The following SRC variants were observed in gnomAD, a reference collection of about 807,000 sequenced individuals.
SRC encodes proto-oncogene tyrosine-protein kinase Src.
In SRC, 13 loss-of-function variants were observed where a neutral mutation model predicts 62.9. That is an observed-to-expected ratio of 0.21 (90% confidence interval 0.13 to 0.33). The LOEUF (loss-of-function observed/expected upper bound fraction) is 0.33, where lower values mean the gene tolerates loss of function less well. SRC is among the 10% of genes least tolerant of loss of function. The probability of loss-of-function intolerance (pLI) is 1.00; values close to 1 mark genes in which losing one functional copy is unlikely to be tolerated. For missense variants in SRC, 457 were observed against 737.3 expected (o/e 0.62, Z 4.40); for synonymous variants, 302 against 317.5 (o/e 0.95, Z 0.52).
At position 37,402,546 on chromosome 20, in the gene SRC, C is replaced by T; in HGVS notation, c.1228C>T (p.Leu410=). 1.9e-6 allele frequency: 3 copies of T among 1,613,948 alleles called. No individual in the cohort carries two copies. In the South Asian group the frequency reaches 3.3e-5, roughly 18 times the overall value. Residue 410 remains leucine, a synonymous_variant, in exon 12 of 14, where the codon CTG becomes TTG. Transcript: ENST00000373578. This position sits in a 1 kb window ranked among gnomAD's most constrained non-coding sequence, Gnocchi z 6.2. ...NLVCKVADFG[L]ARLIEDNEYT... The stretch of plus-strand genomic sequence containing the variant: ...GGTGTGCAAAGTGGCGGACTTTGGG[C>T]TGGCTCGGCTCATTGAAGACAATGA...
intron 2 of SRC, among the ~76,000 whole-genome samples, chr20:37,380,006 G>A (rs2070342901): frequency 6.6e-6 from 1 of 150,736 alleles, no homozygotes; most frequent in Non-Finnish European, 1.5e-5. Context: ...AGCTTGGAGT[G>A]GCCTGAGAAG....
intron 1 of SRC, among the ~76,000 whole-genome samples, chr20:37,364,561 G>T (rs1274506778): frequency 2.0e-5 from 3 of 152,114 alleles, no homozygotes; most frequent in Non-Finnish European, 4.4e-5. Flanking sequence ...GGAGAGGGTG[G>T]AGCTGAGAGA....
intron 5 of SRC, among the ~76,000 whole-genome samples, chr20:37,393,033 C>G (rs1241448980): frequency 1.3e-5 from 2 of 152,212 alleles, no homozygotes; most frequent in Admixed American, 6.5e-5. Context: ...CGCCCCTCCC[C>G]GCTCCCGCCC....
chr20:37,363,397 G>A (rs374720548), intron 1 of SRC, among the ~76,000 whole-genome samples: 13 of 152,282 alleles, frequency 8.5e-5, no homozygotes, highest in East Asian at 1.9e-4. Flanking sequence ...ACCCTGGTCC[G>A]CCTGCGCCTC....
chr20:37,364,208 C>T (rs1036748103), intron 1 of SRC, among the ~76,000 whole-genome samples: 9 of 152,054 alleles, frequency 5.9e-5, no homozygotes, highest in South Asian at 2.1e-4. Flanking sequence ...CTCTGGGGTA[C>T]GAGACGGTGG....
intron 5 of SRC, among the ~76,000 whole-genome samples, chr20:37,390,439 C>A (rs573000541): frequency 7.2e-6 from 1 of 138,904 alleles, no homozygotes; most frequent in African/African-American, 2.7e-5. Flanking sequence ...GCTCTGTGGC[C>A]CAGGCTGGAG....
chr20:37,384,538 GTGTCC>G lies in SRC; in HGVS notation c.250+136_250+140del. On this transcript the variant is annotated intron_variant, in intron 4 of 13. Transcript: ENST00000373578. The surrounding 1 kb of genome is among the most constrained non-coding windows in gnomAD (Gnocchi z 6.7). ...GGGGTAGCGCCCCTGGGTGACTTGGGTGTCCGGGGGGTGGGGGGGCGGCCGTACAC... is the reference window on the plus strand; with the variant it reads ...GGGGTAGCGCCCCTGGGTGACTTGGGGGGGGGTGGGGGGGCGGCCGTACAC... 9.8e-7 allele frequency: 1 copy of G among 1,024,166 alleles called. No individual in the cohort carries two copies. The highest frequency in any genetic ancestry group is 1.2e-6 in the Non-Finnish European group (1 of 804,078). The allele number at this position is 1,024,166 out of a possible 1,614,324, so 63.4% of individuals were successfully genotyped here.
intron 7 of SRC, among the ~76,000 whole-genome samples, chr20:37,395,338 G>T (rs2070626739): frequency 6.6e-6 from 1 of 152,244 alleles, no homozygotes; most frequent in South Asian, 2.1e-4. Flanking sequence ...CCATGCCCAT[G>T]CACTGCCTGG....
At position 37,397,866 on chromosome 20, in the gene SRC, C is replaced by T. The variant is rs1392931879; in HGVS notation, c.859+12C>T. 1 of 1,603,448 alleles carries T rather than the reference C, an allele frequency of 6.2e-7. No individual in the cohort carries two copies. Among genetic ancestry groups the T allele is most frequent in the Non-Finnish European group, 8.5e-7 (1 of 1,176,720 alleles). ...CGAGGTGTGGATGGGTAAGGCCTGG[C>T]CCCTGCCCTCGGGAGAGGCATCCAC... On this transcript the variant is annotated intron_variant, in intron 9 of 13. Coordinates refer to ENST00000373578, the MANE Select transcript of SRC (RefSeq NM_198291.3). This position sits in a 1 kb window ranked among gnomAD's most constrained non-coding sequence, Gnocchi z 4.1.
rs541908263 is a variant in SRC, at chr20:37,402,614, G to A, written c.1270+26G>A. The A allele has an allele frequency of 7.5e-6, 12 of 1,597,662 alleles. No individual in the cohort carries two copies. The highest frequency in any genetic ancestry group is 4.0e-5 in the African/African-American group (3 of 74,668). On this transcript the variant is annotated intron_variant, in intron 12 of 13. Coordinates refer to ENST00000373578, the MANE Select transcript of SRC (RefSeq NM_198291.3). The surrounding 1 kb of genome is among the most constrained non-coding windows in gnomAD (Gnocchi z 6.2). ...GTGGGCAGGGGCTGTGTGGTATGTC[G>A]CGCTTGGCCTGGGACAGGTCACGTC...
chr20:37,373,268 GCA>G (rs10535931), intron 2 of SRC, among the ~76,000 whole-genome samples: 45,607 of 149,902 alleles, frequency 0.3, 7,390 homozygotes, highest in Middle Eastern at 0.38. Flanking sequence ...ATGTACATAC[GCA>G]CACACACACA....
intron 2 of SRC, among the ~76,000 whole-genome samples, chr20:37,378,538 G>T (rs909227173): frequency 6.6e-6 from 1 of 152,070 alleles, no homozygotes; most frequent in Non-Finnish European, 1.5e-5. Context: ...CTACCCTGCC[G>T]CTGCCTTCTT....
chr20:37,368,888 C>G (rs1378281857), intron 2 of SRC, among the ~76,000 whole-genome samples: 1 of 151,942 alleles, frequency 6.6e-6, no homozygotes, highest in Non-Finnish European at 1.5e-5. Context: ...TTATTTTTAC[C>G]TCTTTCATTT....
Position 37,403,754 on chromosome 20 carries a change from TGTGC to T in SRC, c.*376_*379del. 3.2e-6 allele frequency: 1 copy of T among 310,908 alleles called. No homozygotes were observed. The highest frequency in any genetic ancestry group is 4.7e-5 in the East Asian group (1 of 21,072). The allele number at this position is 310,908 out of a possible 1,614,324, so 19.3% of individuals were successfully genotyped here. On this transcript the variant is annotated 3_prime_UTR_variant, in exon 14 of 14. Coordinates refer to ENST00000373578, the MANE Select transcript of SRC (RefSeq NM_198291.3). This position sits in a 1 kb window ranked among gnomAD's most constrained non-coding sequence, Gnocchi z 7.1. ...GCTCACTGAACTCCTTCCCCACTTC[TGTGC>T]CACCCCCGGTCTATGTCGAGAGCTG...
chr20:37,400,419 T>G (rs1263558743), intron 10 of SRC, 125 bp downstream of exon 10: 2 of 846,022 alleles, frequency 2.4e-6, no homozygotes, highest in East Asian at 6.0e-5. Flanking sequence ...AGCCAAATTC[T>G]CTGTTGCCTG....
upstream of SRC, among the ~76,000 whole-genome samples, chr20:37,345,844 G>C (rs1164850606): frequency 6.6e-6 from 1 of 152,164 alleles, no homozygotes; most frequent in East Asian, 1.9e-4. Context: ...TTGGCCTGGG[G>C]GCGGATGGGG....
intron 1 of SRC, among the ~76,000 whole-genome samples, chr20:37,360,590 G>A (rs1044050091): frequency 1.3e-5 from 2 of 152,116 alleles, no homozygotes; most frequent in Non-Finnish European, 2.9e-5. Flanking sequence ...TTTTGATGGT[G>A]CAACTGATGT....
At chr20:37,373,457 A>G (rs538982257) in intron 2 of SRC, among the ~76,000 whole-genome samples, 3,183 of 95,588 alleles carry the variant, frequency 0.033, 116 homozygotes, top group African/African-American at 0.24. Context: ...GCATATATGC[A>G]TATATACACA....
At chr20:37,356,373 G>A (rs1045318703) in intron 1 of SRC, among the ~76,000 whole-genome samples, 1 of 152,200 alleles carries the variant, frequency 6.6e-6, no homozygotes, top group African/African-American at 2.4e-5. Context: ...TGAGAGTAAT[G>A]TATCCCACAT....
Sources: allele counts gnomAD v4.1 joint callset (sites outside exome capture counted in the v4.1 genomes callset), GRCh38; gene constraint gnomAD v4.1.1; non-coding constraint Gnocchi (gnomAD v3.1); transcripts MANE v1.5; gene names NCBI Gene and HGNC (gene_info 2026-07-23, HGNC 2026-07-21).